The following GLI3 variants were observed in gnomAD, a reference collection of about 807,000 sequenced individuals.
GLI3 encodes GLI family zinc finger 3.
A neutral mutation model predicts 100.8 loss-of-function variants in GLI3; 20 were observed. That is an observed-to-expected ratio of 0.20 (90% CI 0.14 to 0.29). The LOEUF is 0.29. Among genes scored for constraint, GLI3 ranks in the 10% least tolerant of loss-of-function variants. The pLI is 1.00. For missense variants in GLI3, 2,040 were observed against 2,128.5 expected (o/e 0.96, Z 0.82); for synonymous variants, 938 against 860.5 (o/e 1.09, Z -1.58).
intron 5 of GLI3, among the ~76,000 whole-genome samples, chr7:42,047,603 T>G (rs1784270190): frequency 6.6e-6 from 1 of 152,192 alleles, no homozygotes; most frequent in Non-Finnish European, 1.5e-5. Flanking sequence ...TGGAAAATAC[T>G]TTTCCTGAAT....
intron 1 of GLI3, among the ~76,000 whole-genome samples, chr7:42,252,366 A>G (rs2128710539): frequency 6.6e-6 from 1 of 152,262 alleles, no homozygotes; most frequent in African/African-American, 2.4e-5. Context: ...GAGGAGGAGG[A>G]GGATCAGAAA....
At chr7:42,020,802 A>G (rs1440272123) in intron 10 of GLI3, among the ~76,000 whole-genome samples, 1 of 151,120 alleles carries the variant, frequency 6.6e-6, no homozygotes, top group African/African-American at 2.4e-5. Context: ...AGGCAGGAGA[A>G]TGGCGTGAAC....
chr7:42,193,382 GC>G (rs1308834215), intron 2 of GLI3, among the ~76,000 whole-genome samples: 2 of 151,852 alleles, frequency 1.3e-5, no homozygotes, highest in Non-Finnish European at 2.9e-5. Context: ...CTTTCCTCCT[GC>G]CTGTGAAAGC....
chr7:42,263,457 T>A (rs1450129371), intron 1 of GLI3, among the ~76,000 whole-genome samples: 3 of 140,572 alleles, frequency 2.1e-5, no homozygotes, highest in African/African-American at 3.1e-5. Context: ...ATTTATTTTT[T>A]TTTTTTGAAA....
chr7:42,238,468 C>T (rs572350787), upstream of GLI3, among the ~76,000 whole-genome samples: 153 of 152,316 alleles, frequency 1.0e-3, no homozygotes, highest in African/African-American at 3.3e-3. Context: ...CCACCGGACT[C>T]GTCTGCCCTC....
intron 7 of GLI3, among the ~76,000 whole-genome samples, chr7:42,031,283 T>C (rs1439135456): frequency 1.3e-5 from 2 of 152,234 alleles, no homozygotes; most frequent in Non-Finnish European, 2.9e-5. Context: ...TTTAAGACAA[T>C]AACAACAAAC....
intron 7 of GLI3, among the ~76,000 whole-genome samples, chr7:42,029,791 C>G (rs1789233434): frequency 2.0e-5 from 3 of 152,150 alleles, no homozygotes; most frequent in African/African-American, 7.2e-5. Flanking sequence ...AACGAGGCCC[C>G]TCTGCACCTC....
chr7:42,053,239 C>T (rs1044674832), intron 4 of GLI3, among the ~76,000 whole-genome samples: 4 of 152,198 alleles, frequency 2.6e-5, no homozygotes, highest in African/African-American at 9.6e-5. Flanking sequence ...TCAGATGATC[C>T]GCCCGCCTCG....
At chr7:42,234,338 C>T (rs1438404883) in intron 1 of GLI3, among the ~76,000 whole-genome samples, 1 of 152,130 alleles carries the variant, frequency 6.6e-6, no homozygotes, top group Non-Finnish European at 1.5e-5. Flanking sequence ...GGAGGAAGGA[C>T]CTCTAAATGG....
At chr7:41,974,627 A>C (rs1265837969) in intron 12 of GLI3, among the ~76,000 whole-genome samples, 1 of 152,244 alleles carries the variant, frequency 6.6e-6, no homozygotes, top group African/African-American at 2.4e-5. Context: ...ATATAGACAG[A>C]GGAGGGATCA....
chr7:42,131,531 CA>C (rs1786276512), intron 3 of GLI3, among the ~76,000 whole-genome samples: 2 of 152,308 alleles, frequency 1.3e-5, no homozygotes, highest in Non-Finnish European at 2.9e-5. Context: ...TGGTTCAACA[CA>C]GAGAATTTCC....
Position 41,961,024 on chromosome 7 carries a change from C to T in GLI3, c.*3306G>A, listed in dbSNP as rs1407259060. 1 of 152,404 alleles carries T rather than the reference C, an allele frequency of 6.6e-6. No individual in the cohort carries two copies. Among genetic ancestry groups the T allele is most frequent in the African/African-American group, 2.4e-5 (1 of 41,384 alleles). The allele number at this position is 152,404 out of a possible 1,614,324, so 9.4% of individuals were successfully genotyped here. A position where few individuals can be genotyped will look rare whatever the true frequency, so the allele number is the denominator to read the frequency against. ...TTTGTTACAAAAGGACTAAGTGGTT[C>T]TGAAAGCAAAGGTAGAGTTCATCTG... On this transcript the variant is annotated 3_prime_UTR_variant, in exon 15 of 15. Transcript: ENST00000395925.
At chr7:42,186,523 A>G (rs544809177) in intron 2 of GLI3, among the ~76,000 whole-genome samples, 1 of 152,318 alleles carries the variant, frequency 6.6e-6, no homozygotes, top group East Asian at 1.9e-4. Flanking sequence ...CACCTGAAAA[A>G]TCACATGAGC....
At chr7:42,156,789 T>G (rs1408581864) in intron 2 of GLI3, among the ~76,000 whole-genome samples, 3 of 152,226 alleles carry the variant, frequency 2.0e-5, no homozygotes, top group Non-Finnish European at 4.4e-5. Context: ...CCTTTGGCAG[T>G]GCTTTCAGAT....
intron 4 of GLI3, among the ~76,000 whole-genome samples, chr7:42,069,507 C>T (rs750823778): frequency 3.1e-4 from 47 of 152,158 alleles, no homozygotes; most frequent in African/African-American, 9.9e-4. Context: ...CAGTTAATCA[C>T]GAGAAATGAT....
chr7:41,968,732 GAAAGAAAGA>G (rs1562661881), intron 13 of GLI3, among the ~76,000 whole-genome samples: 9 of 110,864 alleles, frequency 8.1e-5, no homozygotes, highest in African/African-American at 2.6e-4. Context: ...AAGAAAGAAA[GAAAGAAAGA>G]AAGAAAGAAA....
intron 13 of GLI3, among the ~76,000 whole-genome samples, chr7:41,968,755 A>AGAAGGAAG (rs61125168): frequency 2.9e-5 from 3 of 101,822 alleles, no homozygotes; most frequent in African/African-American, 8.1e-5. Context: ...AAAGAAAGAA[A>AGAAGGAAG]GAAAGAAGGA....
upstream of GLI3, among the ~76,000 whole-genome samples, chr7:42,242,503 G>T (rs74569917): frequency 6.6e-6 from 1 of 152,192 alleles, no homozygotes; most frequent in African/African-American, 2.4e-5. Context: ...CCACTAGAAT[G>T]TCTGTCCTTT....
In GLI3 at chr7:42,002,199, G is replaced by A. The variant is rs191240126; in HGVS notation, c.1497+21269C>T. Among the ~76,000 whole-genome samples, 106 of 152,098 alleles carry A rather than the reference G, an allele frequency of 7.0e-4. 1 individual carries two copies. Among genetic ancestry groups the A allele is most frequent in the Admixed American group, 2.0e-3 (30 of 15,280 alleles). On this transcript the variant is annotated intron_variant, in intron 10 of 14. Transcript: ENST00000395925. ...CAAAGTTTCTCAGAGGGTGATGAAC[G>A]CAGCTATAATGCTCATAAGAAAGTC...
Sources: gnomAD v4.1 joint callset for allele counts (sites outside exome capture counted in the v4.1 genomes callset) on GRCh38, gnomAD v4.1.1 for gene constraint, MANE v1.5 for transcripts, NCBI Gene and HGNC (gene_info 2026-07-23, HGNC 2026-07-21) for gene names.